Variants in ATG5 observed in about 807,000 individuals in gnomAD.
The protein encoded by ATG5 is autophagy protein 5.
In ATG5, 14 loss-of-function variants were observed where a neutral mutation model predicts 36.5. The observed-to-expected ratio is 0.38, with a 90% confidence interval of 0.25 to 0.60. ATG5 has a LOEUF of 0.60. Among genes scored for constraint, ATG5 ranks in the 20% least tolerant of loss-of-function variants. ATG5 has a pLI of 0.60. For synonymous variants in ATG5, 95 were observed against 101.5 expected, an observed-to-expected ratio of 0.94 and a Z score of 0.38; for missense variants, 195 against 326.7, an observed-to-expected ratio of 0.60 and a Z score of 3.11.
At chr6:106,265,854 G>C (rs1334727140) in intron 5 of ATG5, among the ~76,000 whole-genome samples, 2 of 152,180 alleles carry the variant, frequency 1.3e-5, no homozygotes, top group Non-Finnish European at 2.9e-5. Flanking sequence ...GCAGTGCTAA[G>C]AGGGAAATTT....
At chr6:106,291,873 A>C (rs115174256) in intron 4 of ATG5, among the ~76,000 whole-genome samples, 236 of 152,374 alleles carry the variant, frequency 1.5e-3, no homozygotes, top group African/African-American at 5.5e-3. Flanking sequence ...TAACGTGTTT[A>C]ATAACATGGT....
intron 5 of ATG5, among the ~76,000 whole-genome samples, chr6:106,249,307 GT>G (rs1204852342): frequency 5.3e-5 from 8 of 152,070 alleles, no homozygotes; most frequent in Non-Finnish European, 1.0e-4. Context: ...TATCTCTATA[GT>G]TTGCCTATTC....
intron 6 of ATG5, among the ~76,000 whole-genome samples, chr6:106,225,787 A>C (rs1399907841): frequency 2.0e-5 from 3 of 152,236 alleles, no homozygotes; most frequent in African/African-American, 7.2e-5. Flanking sequence ...CAGTGCAAAC[A>C]ATTTTATCAC....
At chr6:106,322,253 G>A (rs1412565654) in intron 1 of ATG5, among the ~76,000 whole-genome samples, 1 of 152,120 alleles carries the variant, frequency 6.6e-6, no homozygotes, top group East Asian at 1.9e-4. Context: ...TCAGAAAATG[G>A]CACGGTGTGA....
At chr6:106,269,819 G>C (rs890437968) in intron 5 of ATG5, among the ~76,000 whole-genome samples, 1 of 152,228 alleles carries the variant, frequency 6.6e-6, no homozygotes, top group African/African-American at 2.4e-5. Context: ...GAGGGAGCCG[G>C]CTCCAGCCTT....
rs149334007 is a variant in ATG5 at position 106,302,981 on chromosome 6, A to G, written c.236+5383T>C. 5.3e-3 allele frequency among the ~76,000 whole-genome samples: 811 copies of G among 152,214 alleles called. 6 individuals carry two copies. Among genetic ancestry groups the G allele is most frequent in the Non-Finnish European group, 6.9e-3 (466 of 67,954 alleles). On this transcript the variant is annotated intron_variant, in intron 3 of 7. Transcript: ENST00000369076. The stretch of plus-strand genomic sequence containing the variant: ...CATGGTTAAGATGGTAAATTTTGTT[A>G]CATGCATTTTACTACAATTTAAAAA...
chr6:106,261,525 A>C (rs1035584911), intron 5 of ATG5, among the ~76,000 whole-genome samples: 2 of 152,252 alleles, frequency 1.3e-5, no homozygotes, highest in African/African-American at 2.4e-5. Flanking sequence ...ACTTTGAAAC[A>C]TATCTGGCAC....
chr6:106,192,557 T>C (rs757583866), intron 7 of ATG5, among the ~76,000 whole-genome samples: 11 of 152,200 alleles, frequency 7.2e-5, no homozygotes, highest in Non-Finnish European at 1.3e-4. Flanking sequence ...GGGAAATTCA[T>C]ACATGTTTTT....
At chr6:106,210,512 C>A (rs1776814350) in intron 6 of ATG5, among the ~76,000 whole-genome samples, 2 of 152,288 alleles carry the variant, frequency 1.3e-5, no homozygotes, top group South Asian at 2.1e-4. Flanking sequence ...CTTCATACTT[C>A]CTAGTCACAA....
At chr6:106,255,214 G>A (rs1217183845) in intron 5 of ATG5, among the ~76,000 whole-genome samples, 2 of 152,130 alleles carry the variant, frequency 1.3e-5, no homozygotes, top group East Asian at 1.9e-4. Flanking sequence ...CAACTCTATC[G>A]CTTAAGACCT....
intron 6 of ATG5, among the ~76,000 whole-genome samples, chr6:106,224,252 G>A (rs1044250831): frequency 6.6e-6 from 1 of 152,080 alleles, no homozygotes; most frequent in African/African-American, 2.4e-5. Context: ...ATTAATATCA[G>A]TATAAAACTC....
chr6:106,279,783 T>A lies in ATG5; in HGVS notation c.356A>T (p.Asp119Val), dbSNP rs755438780. ...TGACATAAAATGAGCTTCAATTGCA[T>A]CCTTAGATGGACAGTGCAGAAGGTC... Reference protein sequence around the residue: ...EKDLLHCPSKDAIEAHFMSCM... With the variant: ...EKDLLHCPSKVAIEAHFMSCM... The change falls in exon 5 of 8, where the codon GAT becomes GTT. Residue 119 changes from aspartate to valine, a missense_variant. Transcript: ENST00000369076. The A allele has an allele frequency of 6.2e-7, 1 of 1,605,866 alleles. No homozygotes were observed. The highest frequency in any genetic ancestry group is 8.5e-7 in the Non-Finnish European group (1 of 1,175,766).
In ATG5 at chr6:106,210,641, G is replaced by T. The variant is rs184048818; in HGVS notation, c.574-8552C>A. 5.9e-5 allele frequency among the ~76,000 whole-genome samples: 9 copies of T among 152,312 alleles called. No homozygotes were observed. The East Asian group carries it at 1.7e-3, about 29-fold the overall frequency. On this transcript the variant is annotated intron_variant, in intron 6 of 7. Transcript: ENST00000369076. ...CATATTCTAGCTCTGGATGGCACTT[G>T]ATGACGATGGATTCAGCTTATGGTT...
chr6:106,251,053 T>C (rs959798179), intron 5 of ATG5, among the ~76,000 whole-genome samples: 2 of 152,322 alleles, frequency 1.3e-5, no homozygotes, highest in South Asian at 2.1e-4. Flanking sequence ...CAAGACAGAA[T>C]CTAGCACTCC....
intron 4 of ATG5, among the ~76,000 whole-genome samples, chr6:106,288,924 A>G (rs117069471): frequency 0.015 from 2,226 of 151,524 alleles, 24 homozygotes; most frequent in Non-Finnish European, 0.025. Flanking sequence ...AGTCTGAACT[A>G]CTGATCCAAA....
chr6:106,190,396 A>AC lies in ATG5; in HGVS notation c.692-3721dup, dbSNP rs578000551. The stretch of plus-strand genomic sequence containing the variant: ...AGGGCAGAGCCCTCATGACTTAAAC[A>AC]CCCCCCAAAAAGCCTCACCTCCCAA... On this transcript the variant is annotated intron_variant, in intron 7 of 7. Transcript: ENST00000369076. Among the ~76,000 whole-genome samples the AC allele has an allele frequency of 6.8e-3, 1,026 of 151,474 alleles. 4 individuals are homozygous for AC. The highest frequency in any genetic ancestry group is 0.02 in the Middle Eastern group (6 of 294).
intron 7 of ATG5, among the ~76,000 whole-genome samples, chr6:106,190,072 TAATAA>T (rs1486511956): frequency 6.6e-6 from 1 of 152,182 alleles, no homozygotes; most frequent in Non-Finnish European, 1.5e-5. Flanking sequence ...ATATATAAAA[TAATAA>T]AATATTCATT....
Position 106,302,669 on chromosome 6 carries a change from A to T in ATG5, c.236+5695T>A, listed in dbSNP as rs535652078. ...GTGGAGACGAACATCAACAAATTTA[A>T]AAGATCCAAAATTACAGTGAGCTCT... is the stretch of plus-strand genomic sequence containing the variant. On this transcript the variant is annotated intron_variant, in intron 3 of 7. Transcript: ENST00000369076. 3.9e-5 allele frequency among the ~76,000 whole-genome samples: 6 copies of T among 152,180 alleles called. No individual in the cohort carries two copies. The South Asian group carries it at 1.2e-3, about 32-fold the overall frequency.
intron 6 of ATG5, among the ~76,000 whole-genome samples, chr6:106,245,568 A>T (rs1292334906): frequency 2.6e-5 from 4 of 152,188 alleles, no homozygotes; most frequent in Non-Finnish European, 4.4e-5. Context: ...TATTCCTAAG[A>T]TGGTTTTGAG....
Sources: allele counts gnomAD v4.1 joint callset (sites outside exome capture counted in the v4.1 genomes callset), GRCh38; gene constraint gnomAD v4.1.1; transcripts MANE v1.5; gene names NCBI Gene and HGNC (gene_info 2026-07-23, HGNC 2026-07-21).